Variants in FLVCR1 observed in about 807,000 individuals in gnomAD.
FLVCR1 encodes the protein FLVCR choline and heme transporter 1.
FLVCR1 carries 34 observed loss-of-function variants against 53.6 expected under a neutral mutation model. The ratio of observed to expected loss-of-function variants is 0.63; its 90% CI spans 0.48 to 0.84. FLVCR1 has a LOEUF of 0.84. Among genes scored for constraint, FLVCR1 ranks in the 40% least tolerant of loss-of-function variants. The pLI is 0.00. For missense variants in FLVCR1, 677 were observed against 696.7 expected (o/e 0.97, Z 0.32); for synonymous variants, 300 against 286.3 (o/e 1.05, Z -0.48).
chr1:212,890,965 C>T (rs1474918811), intron 8 of FLVCR1, among the ~76,000 whole-genome samples: 1 of 152,170 alleles, frequency 6.6e-6, no homozygotes, highest in Admixed American at 6.6e-5. Flanking sequence ...AACATCTTAT[C>T]ACAGGGAGTT....
Position 212,899,060 on chromosome 1 carries a change from A to G in FLVCR1, c.*3770A>G, listed in dbSNP as rs1036944505. The G allele has an allele frequency of 6.6e-6, 1 of 152,250 alleles. No homozygotes were observed. The highest frequency in any genetic ancestry group is 2.4e-5 in the African/African-American group (1 of 41,458). 9.4% of individuals were successfully genotyped at this position (152,250 alleles called of 1,614,324 possible). A position where few individuals can be genotyped will look rare whatever the true frequency, so the allele number is the denominator to read the frequency against. ...TGACTGTATGTCGTATTTTCAGAAA[A>G]TGGAATAGGTAATCATCACTTGTGT... On this transcript the variant is annotated 3_prime_UTR_variant, in exon 10 of 10. Transcript: ENST00000366971.
At chr1:212,871,629 C>T (rs917138699) in intron 2 of FLVCR1, among the ~76,000 whole-genome samples, 9 of 151,996 alleles carry the variant, frequency 5.9e-5, no homozygotes, top group East Asian at 1.9e-4. Context: ...AGTGATGGAC[C>T]CACTTTGACC....
At chr1:212,862,674 G>C (rs1044190113) in intron 1 of FLVCR1, among the ~76,000 whole-genome samples, 1 of 152,182 alleles carries the variant, frequency 6.6e-6, no homozygotes, top group Non-Finnish European at 1.5e-5. Context: ...TTGAATTTCT[G>C]TTTTCAGTTT....
At position 212,866,048 on chromosome 1, in the gene FLVCR1, A is replaced by C. The variant is rs61833728; in HGVS notation, c.883+2179A>C. On this transcript the variant is annotated intron_variant, in intron 2 of 9. Coordinates refer to ENST00000366971, the MANE Select transcript of FLVCR1 (RefSeq NM_014053.4). Reference sequence around the variant, plus strand: ...CAGCCAGGCTGGAGTGCAGTGGCGCAATTTCGACTCACTGCAACCTCTGCC... The same window carrying C: ...CAGCCAGGCTGGAGTGCAGTGGCGCCATTTCGACTCACTGCAACCTCTGCC... Among the ~76,000 whole-genome samples the C allele has an allele frequency of 2.8e-4, 13 of 47,066 alleles. 1 individual carries two copies. Among genetic ancestry groups the C allele is most frequent in the African/African-American group, 6.5e-4 (13 of 19,874 alleles). 30.9% of individuals were successfully genotyped at this position (47,066 alleles called of 152,430 possible).
intron 2 of FLVCR1, among the ~76,000 whole-genome samples, chr1:212,868,534 C>T (rs901381012): frequency 6.6e-6 from 1 of 152,216 alleles, no homozygotes; most frequent in African/African-American, 2.4e-5. Context: ...CTCAGCCTCC[C>T]GAGTAGCTGG....
chr1:212,874,530 T>TC lies in FLVCR1; in HGVS notation c.1024+1712_1024+1713insC, dbSNP rs1198905854. 7.8e-3 allele frequency among the ~76,000 whole-genome samples: 152 copies of TC among 19,554 alleles called. 1 individual carries two copies. The highest frequency in any genetic ancestry group is 0.036 in the Admixed American group (35 of 966). The allele number at this position is 19,554 out of a possible 152,430, so 12.8% of individuals were successfully genotyped here. A position where few individuals can be genotyped will look rare whatever the true frequency, so the allele number is the denominator to read the frequency against. ...GTCATTTAATTTTCTTTTTTTCTTTTTTTTTTTTTTTTTTTTGAGATGGAG... is the reference window on the plus strand; with the variant it reads ...GTCATTTAATTTTCTTTTTTTCTTTTCTTTTTTTTTTTTTTTTGAGATGGAG... On this transcript the variant is annotated intron_variant, in intron 3 of 9. Coordinates refer to ENST00000366971, the MANE Select transcript of FLVCR1 (RefSeq NM_014053.4).
chr1:212,876,807 A>G (rs563355932), intron 3 of FLVCR1, among the ~76,000 whole-genome samples: 1 of 152,274 alleles, frequency 6.6e-6, no homozygotes, highest in African/African-American at 2.4e-5. Context: ...ATACACTTGC[A>G]TGTATCTTTA....
At chr1:212,876,132 A>G (rs1418010501) in intron 3 of FLVCR1, among the ~76,000 whole-genome samples, 1 of 151,594 alleles carries the variant, frequency 6.6e-6, no homozygotes, top group Non-Finnish European at 1.5e-5. Flanking sequence ...GGCATCACCT[A>G]GGTATTAAGC....
At chr1:212,862,775 C>A (rs1425073347) in intron 1 of FLVCR1, among the ~76,000 whole-genome samples, 1 of 152,166 alleles carries the variant, frequency 6.6e-6, no homozygotes, top group Non-Finnish European at 1.5e-5. Context: ...TCTGCAGTGG[C>A]TGCACCATTT....
At chr1:212,884,988 A>C (rs1017111552) in intron 4 of FLVCR1, among the ~76,000 whole-genome samples, 1 of 152,254 alleles carries the variant, frequency 6.6e-6, no homozygotes, top group Non-Finnish European at 1.5e-5. Flanking sequence ...TATGGAGCAC[A>C]TGACTATCTA....
intron 2 of FLVCR1, among the ~76,000 whole-genome samples, chr1:212,868,407 C>A (rs540411211): frequency 3.4e-4 from 51 of 151,870 alleles, no homozygotes; most frequent in Middle Eastern, 3.5e-3. Context: ...TATCTATAAA[C>A]TTTATTTTAT....
intron 1 of FLVCR1, 193 bp from the exon 2 acceptor site, chr1:212,863,532 T>C: frequency 1.9e-6 from 1 of 532,980 alleles, no homozygotes; most frequent in South Asian, 2.1e-5. Flanking sequence ...GAGGTTGCAG[T>C]GAGCCAAGAT....
chr1:212,891,376 G>A (rs11120062), intron 8 of FLVCR1, among the ~76,000 whole-genome samples: 59,884 of 151,730 alleles, frequency 0.39, 13,336 homozygotes, highest in South Asian at 0.52. Context: ...TCCGGGAGGC[G>A]GAGGTTGCAG....
intron 1 of FLVCR1, among the ~76,000 whole-genome samples, chr1:212,862,164 G>T (rs930746102): frequency 2.5e-5 from 3 of 120,546 alleles, no homozygotes; most frequent in African/African-American, 8.1e-5. Flanking sequence ...CATATTTTTT[G>T]TTGAGGTAAA....
intron 1 of FLVCR1, among the ~76,000 whole-genome samples, chr1:212,861,911 C>T (rs1033199138): frequency 3.3e-5 from 5 of 151,328 alleles, no homozygotes; most frequent in Admixed American, 2.6e-4. Context: ...ACCTCGTGAT[C>T]CCCCCACCTC....
Position 212,883,404 on chromosome 1 carries a change from C to A in FLVCR1, c.1058C>A (p.Thr353Lys). ...IMTGAFYSVS[T>K]LLNQMILTYY... ...ACTGGTGCCTTTTATTCAGTCTCAA[C>A]GTTATTAAATCAAATGATATTGACA... The change falls in exon 4 of 10, where the codon ACG becomes AAG. Residue 353 changes from threonine to lysine, a missense_variant. Thr to Lys is a moderately conservative substitution (Grantham distance 78, BLOSUM62 -1). Transcript: ENST00000366971. 1.3e-6 allele frequency: 2 copies of A among 1,581,026 alleles called. No homozygotes were observed. The highest frequency in any genetic ancestry group is 2.2e-5 in the South Asian group (2 of 89,916).
chr1:212,867,190 C>A (rs1294579082), intron 2 of FLVCR1, among the ~76,000 whole-genome samples: 3 of 152,236 alleles, frequency 2.0e-5, no homozygotes, highest in Non-Finnish European at 4.4e-5. Flanking sequence ...TGCCATGTAA[C>A]TGTTCCTCTC....
rs1376169334 is a variant in FLVCR1 at position 212,858,823 on chromosome 1, A to G, written c.371A>G (p.Gln124Arg). Residue 124 changes from glutamine (Q) to arginine (R), a missense_variant, in exon 1 of 10, where the codon CAG becomes CGG. Physicochemically the swap from Gln to Arg is conservative, Grantham distance 43 (BLOSUM62 1). Coordinates refer to ENST00000366971, the MANE Select transcript of FLVCR1 (RefSeq NM_014053.4). ...FSLYSLVNAF[Q>R]WIQYSIISNV... The stretch of plus-strand genomic sequence containing the variant: ...CTGTACTCGCTGGTCAACGCCTTTC[A>G]GTGGATCCAGTACAGCATCATTAGC... 3.7e-6 allele frequency: 6 copies of G among 1,614,074 alleles called. No homozygotes were observed. In the South Asian group the frequency reaches 4.4e-5, roughly 12 times the overall value.
At chr1:212,885,582 G>A (rs535549281) in intron 5 of FLVCR1, 186 bp downstream of exon 5, 14 of 474,144 alleles carry the variant, frequency 3.0e-5, no homozygotes, top group Admixed American at 2.0e-4. Context: ...ACGGAGTCTC[G>A]TTCTGTCGCC....
Sources: gnomAD v4.1 joint callset for allele counts (sites outside exome capture counted in the v4.1 genomes callset) on GRCh38, gnomAD v4.1.1 for gene constraint, MANE v1.5 for transcripts, NCBI Gene and HGNC (gene_info 2026-07-23, HGNC 2026-07-21) for gene names.